EFL1: variants seen among roughly 807,000 people sequenced by gnomAD.
EFL1 encodes the protein elongation factor-like GTPase 1.
EFL1 carries 76 observed loss-of-function variants against 126.7 expected under a neutral mutation model. That is an observed-to-expected ratio of 0.60 (90% CI 0.50 to 0.73). The LOEUF (loss-of-function observed/expected upper bound fraction) is 0.73, where lower values mean the gene tolerates loss of function less well. EFL1 is among the 30% of genes least tolerant of loss of function. EFL1 has a pLI of 0.00. For synonymous variants in EFL1, 410 were observed against 448.4 expected, an observed-to-expected ratio of 0.91 and a Z score of 1.08; for missense variants, 1,128 against 1,343.2, an observed-to-expected ratio of 0.84 and a Z score of 2.50.
rs2074919593 is a variant in EFL1 at position 82,240,469 on chromosome 15, C to T, written c.465G>A (p.Leu155=). The change falls in exon 6 of 20, where the codon CTG becomes CTA. Residue 155 remains leucine, a synonymous_variant. Transcript: ENST00000268206. ...INKIDRLIVE[L]KFTPQEAYSH... is the part of the protein sequence containing the mutation. ...AATAGGCCTCTTGTGGGGTGAATTT[C>T]AGTTCCACTATCAAGCGATCAATCT... is the stretch of plus-strand genomic sequence containing the variant. 1.2e-6 allele frequency: 2 copies of T among 1,613,716 alleles called. No individual in the cohort carries two copies. The highest frequency in any genetic ancestry group is 1.7e-6 in the Non-Finnish European group (2 of 1,179,800).
At chr15:82,186,710 T>C (rs777857323) in intron 15 of EFL1, among the ~76,000 whole-genome samples, 1 of 152,248 alleles carries the variant, frequency 6.6e-6, no homozygotes, top group Non-Finnish European at 1.5e-5. Flanking sequence ...GTTTTCCTTT[T>C]CCATTTCCAG....
chr15:82,169,768 A>G (rs2074114824), intron 15 of EFL1, among the ~76,000 whole-genome samples: 1 of 152,184 alleles, frequency 6.6e-6, no homozygotes. Flanking sequence ...ATTGATAAAC[A>G]GTTATTCAAC....
At chr15:82,229,259 T>C in intron 8 of EFL1, 149 bp from the exon 9 acceptor site, 2 of 647,836 alleles carry the variant, frequency 3.1e-6, no homozygotes, top group Non-Finnish European at 2.6e-6. Context: ...GTTATAAGAA[T>C]GCACTAAACA....
intron 17 of EFL1, among the ~76,000 whole-genome samples, chr15:82,156,297 ATTTT>A (rs912574661): frequency 6.6e-6 from 1 of 151,590 alleles, no homozygotes; most frequent in African/African-American, 2.4e-5. Context: ...CAGTTATTCT[ATTTT>A]TTTTGAGACA....
At chr15:82,176,760 T>C (rs1018192318) in intron 15 of EFL1, among the ~76,000 whole-genome samples, 3 of 152,212 alleles carry the variant, frequency 2.0e-5, no homozygotes, top group African/African-American at 7.2e-5. Context: ...ATGCCTACTC[T>C]ATGACCCAAT....
chr15:82,210,423 T>G (rs1461024520), intron 15 of EFL1, among the ~76,000 whole-genome samples: 2 of 152,208 alleles, frequency 1.3e-5, no homozygotes, highest in African/African-American at 4.8e-5. Flanking sequence ...GCCACCATGC[T>G]GTAAGGAAGC....
intron 12 of EFL1, among the ~76,000 whole-genome samples, chr15:82,221,986 G>GA (rs1254016768): frequency 6.6e-6 from 1 of 152,098 alleles, no homozygotes; most frequent in African/African-American, 2.4e-5. Context: ...CCAATCCTTT[G>GA]ACAACTTTCC....
intron 18 of EFL1, among the ~76,000 whole-genome samples, chr15:82,141,674 CAAAAAAAAAAACCAA>C (rs1288955543): frequency 3.4e-5 from 2 of 58,624 alleles, no homozygotes; most frequent in Non-Finnish European, 3.5e-5. Context: ...ACTCGGTCTC[CAAAAAAAAAAACCAA>C]AAAAAAAAAA....
At chr15:82,252,279 G>A (rs2075029448) in intron 4 of EFL1, among the ~76,000 whole-genome samples, 1 of 152,176 alleles carries the variant, frequency 6.6e-6, no homozygotes, top group Non-Finnish European at 1.5e-5. Context: ...TCCTAGAAGT[G>A]TTACTATCAA....
chr15:82,168,112 C>T (rs1567047931), intron 15 of EFL1, among the ~76,000 whole-genome samples: 1 of 152,108 alleles, frequency 6.6e-6, no homozygotes, highest in Non-Finnish European at 1.5e-5. Context: ...TTTGAAAGAC[C>T]ATCTTCTGCT....
chr15:82,184,883 T>G (rs1191571867), intron 15 of EFL1, among the ~76,000 whole-genome samples: 1 of 151,888 alleles, frequency 6.6e-6, no homozygotes, highest in Non-Finnish European at 1.5e-5. Context: ...AAATGTAGAG[T>G]TTCATTATTT....
chr15:82,162,010 G>A (rs1412996686), intron 16 of EFL1, among the ~76,000 whole-genome samples: 3 of 152,160 alleles, frequency 2.0e-5, no homozygotes, highest in Non-Finnish European at 4.4e-5. Context: ...AGGCACAGTG[G>A]CTCACACCTG....
In EFL1 at chr15:82,138,775, TG is replaced by T; in HGVS notation, c.3056del (p.Thr1019LysfsTer34). 1 of 1,614,074 alleles carries T rather than the reference TG, an allele frequency of 6.2e-7. No individual in the cohort carries two copies. The highest frequency in any genetic ancestry group is 8.5e-7 in the Non-Finnish European group (1 of 1,179,936). The part of the protein sequence containing the change: ...RVLQEEMKEG[T>X]DMFIIKAVLP... ...GCACAGCCTTGATGATGAACATGTC[TG>T]TCCCTTCTTTCATTTCTTCTTGAAG... On this transcript the variant is annotated frameshift_variant, in exon 19 of 20. Coordinates refer to ENST00000268206, the MANE Select transcript of EFL1 (RefSeq NM_024580.6). LOFTEE classifies it high-confidence loss of function.
At position 82,217,373 on chromosome 15, in the gene EFL1, G is replaced by GAAAAAAAAAA; in HGVS notation, c.1611+2269_1611+2278dup. On this transcript the variant is annotated intron_variant, in intron 14 of 19. Transcript: ENST00000268206. ...AATCAAGGTAGCATTGATTAGATTT[G>GAAAAAAAAAA]AAAAAAAAAAAAAAAAAAAAAACGA... Among the ~76,000 whole-genome samples the GAAAAAAAAAA allele has an allele frequency of 3.1e-3, 85 of 27,138 alleles. 1 individual carries two copies. Among genetic ancestry groups the GAAAAAAAAAA allele is most frequent in the Non-Finnish European group, 3.5e-3 (51 of 14,486 alleles). The allele number at this position is 27,138 out of a possible 152,430, so 17.8% of individuals were successfully genotyped here.
At chr15:82,167,571 C>T (rs368661053) in intron 15 of EFL1, among the ~76,000 whole-genome samples, 13 of 152,096 alleles carry the variant, frequency 8.5e-5, no homozygotes, top group African/African-American at 2.9e-4. Flanking sequence ...ATGAATTCAC[C>T]TTCTGTTGAA....
intron 15 of EFL1, among the ~76,000 whole-genome samples, chr15:82,175,205 G>C (rs1337315970): frequency 6.6e-6 from 1 of 152,122 alleles, no homozygotes; most frequent in African/African-American, 2.4e-5. Flanking sequence ...TGGGATTTTT[G>C]AGACTATTGC....
chr15:82,241,158 T>C lies in EFL1; in HGVS notation c.378+112A>G, dbSNP rs139687591. The stretch of plus-strand genomic sequence containing the variant: ...CTTCACAGACTGGAACGTTACCAAA[T>C]GTGAAATATAAAACCAATGTTGTGA... On this transcript the variant is annotated intron_variant, in intron 5 of 19. Transcript: ENST00000268206. The C allele has an allele frequency of 2.4e-3, 3,068 of 1,276,588 alleles. 75 individuals carry two copies. The African/African-American group carries it at 0.039, about 16-fold the overall frequency. The allele number at this position is 1,276,588 out of a possible 1,614,324, so 79.1% of individuals were successfully genotyped here.
chr15:82,232,385 A>C (rs1243982370), intron 7 of EFL1, among the ~76,000 whole-genome samples: 1 of 152,206 alleles, frequency 6.6e-6, no homozygotes, highest in East Asian at 1.9e-4. Flanking sequence ...ATATAGGACC[A>C]ATTTTTGTAT....
intron 18 of EFL1, among the ~76,000 whole-genome samples, chr15:82,142,376 G>A (rs772837319): frequency 1.2e-4 from 18 of 151,952 alleles, no homozygotes; most frequent in Non-Finnish European, 8.8e-5. Context: ...TGCAGTCCTA[G>A]CTACTTGGGG....
Sources: allele counts gnomAD v4.1 joint callset (sites outside exome capture counted in the v4.1 genomes callset), GRCh38; gene constraint gnomAD v4.1.1; transcripts MANE v1.5; gene names NCBI Gene and HGNC (gene_info 2026-07-23, HGNC 2026-07-21).